SMARCAL1: variants seen among roughly 807,000 people sequenced by gnomAD.
SMARCAL1 encodes ATP-driven annealing helicase.
Under a neutral mutation model 94.5 loss-of-function variants are expected in SMARCAL1, and 58 were observed. That is an observed-to-expected ratio of 0.61 (90% CI 0.50 to 0.76). The LOEUF is 0.76. Among genes scored for constraint, SMARCAL1 ranks in the 30% least tolerant of loss-of-function variants. The pLI is 0.00. For synonymous variants in SMARCAL1, 422 were observed against 455.1 expected (o/e 0.93, Z 0.93); for missense variants, 1,051 against 1,177.9 (o/e 0.89, Z 1.58).
At chr2:216,435,280 A>T in intron 8 of SMARCAL1, 58 bp from the exon 9 acceptor site, 2 of 1,591,322 alleles carry the variant, frequency 1.3e-6, no homozygotes, top group South Asian at 2.2e-5. Flanking sequence ...TGCTGTCACA[A>T]CCAACAGCTG....
intron 6 of SMARCAL1, among the ~76,000 whole-genome samples, chr2:216,428,157 T>A (rs564009606): frequency 6.6e-6 from 1 of 152,182 alleles, no homozygotes; most frequent in African/African-American, 2.4e-5. Flanking sequence ...CAGGCTATGG[T>A]TAGTGATTTA....
chr2:216,463,707 G>T (rs1384760589), intron 12 of SMARCAL1, among the ~76,000 whole-genome samples: 1 of 152,172 alleles, frequency 6.6e-6, no homozygotes, highest in Admixed American at 6.5e-5. Flanking sequence ...ATTACCTTAT[G>T]TGGGAGGTAT....
At chr2:216,472,842 T>C (rs1397263678) in intron 14 of SMARCAL1, among the ~76,000 whole-genome samples, 1 of 152,186 alleles carries the variant, frequency 6.6e-6, no homozygotes, top group African/African-American at 2.4e-5. Context: ...GTGCTCACTG[T>C]TGATGAAAGT....
At chr2:216,445,303 T>A (rs948819669) in intron 10 of SMARCAL1, among the ~76,000 whole-genome samples, 2 of 108,332 alleles carry the variant, frequency 1.8e-5, no homozygotes, top group African/African-American at 8.4e-5. Flanking sequence ...ACAGACGAGA[T>A]GCCATTCTGG....
chr2:216,472,851 G>T (rs964985494), intron 14 of SMARCAL1, among the ~76,000 whole-genome samples: 1 of 152,152 alleles, frequency 6.6e-6, no homozygotes, highest in African/African-American at 2.4e-5. Context: ...GTTGATGAAA[G>T]TGTACGAAGA....
At chr2:216,468,621 GTTTATA>G (rs1395290218) in intron 14 of SMARCAL1, among the ~76,000 whole-genome samples, 7 of 152,044 alleles carry the variant, frequency 4.6e-5, no homozygotes, top group African/African-American at 1.4e-4. Flanking sequence ...TTCCCTCATC[GTTTATA>G]TTTATATAAC....
At chr2:216,473,147 C>G (rs1036665660) in intron 14 of SMARCAL1, among the ~76,000 whole-genome samples, 8 of 152,112 alleles carry the variant, frequency 5.3e-5, no homozygotes, top group Non-Finnish European at 1.0e-4. Context: ...TAATCACGCC[C>G]TCCTGCCCCT....
rs1472280399 is a variant in SMARCAL1 at position 216,461,959 on chromosome 2, A to G, written c.2071-2638A>G. On this transcript the variant is annotated intron_variant, in intron 12 of 17. Coordinates refer to ENST00000357276, the MANE Select transcript of SMARCAL1 (RefSeq NM_014140.4). ...TGCTCACTATTCTGAGTAATACTGT[A>G]CTGAAAAAGTAGCTTACATAGAAAT... 2.0e-5 allele frequency among the ~76,000 whole-genome samples: 3 copies of G among 152,276 alleles called. No individual in the cohort carries two copies. The East Asian group carries it at 5.8e-4, about 29-fold the overall frequency.
intron 14 of SMARCAL1, 65 bp downstream of exon 14, chr2:216,468,111 T>C (rs1694869932): frequency 9.0e-7 from 1 of 1,116,670 alleles, no homozygotes; most frequent in Admixed American, 1.7e-5. Context: ...CTAAGCAGGC[T>C]TAGGTCAGAT....
At position 216,482,786 on chromosome 2, in the gene SMARCAL1, A is replaced by G; in HGVS notation, c.2674A>G (p.Lys892Glu). 3 of 1,614,152 alleles carry G rather than the reference A, an allele frequency of 1.9e-6. No homozygotes were observed. Among genetic ancestry groups the G allele is most frequent in the Non-Finnish European group, 2.5e-6 (3 of 1,180,008 alleles). Residue 892 changes from lysine (K) to glutamate (E), a missense_variant, in exon 18 of 18, where the codon AAA becomes GAA. Around this residue, in one of 3 missense-constraint regions of SMARCAL1, gnomAD observed 642 missense variants for 754.7 expected, o/e 0.85. Coordinates refer to ENST00000357276, the MANE Select transcript of SMARCAL1 (RefSeq NM_014140.4). The surrounding 1 kb of genome is among the most constrained non-coding windows in gnomAD (Gnocchi z 4.3). ...IYDLFQKSFE[K>E]EGSDMELLEA... Reference sequence around the variant, plus strand: ...CGACCTATTCCAGAAGTCCTTTGAGAAAGAAGGAAGTGATATGGAGCTCCT... The same window carrying G: ...CGACCTATTCCAGAAGTCCTTTGAGGAAGAAGGAAGTGATATGGAGCTCCT...
rs768370857 is a variant in SMARCAL1, at chr2:216,461,274, TA to T, written c.2071-3314del. Among the ~76,000 whole-genome samples, 56 of 150,868 alleles carry T rather than the reference TA, an allele frequency of 3.7e-4. 1 individual carries two copies. In the East Asian group the frequency reaches 7.7e-3, roughly 21 times the overall value. On this transcript the variant is annotated intron_variant, in intron 12 of 17. Coordinates refer to ENST00000357276, the MANE Select transcript of SMARCAL1 (RefSeq NM_014140.4). ...CAAGATAATAAAAAGTTAACCAATT[TA>T]AAAAAAAAGAATCATCTTTTATACA...
intron 6 of SMARCAL1, among the ~76,000 whole-genome samples, 181 bp downstream of exon 6, chr2:216,423,864 G>A (rs758366022): frequency 3.3e-5 from 5 of 152,172 alleles, no homozygotes; most frequent in Non-Finnish European, 7.4e-5. Flanking sequence ...GTGGCTTTAT[G>A]ACAGCCCAGA....
At chr2:216,448,505 T>C (rs1164685967) in intron 11 of SMARCAL1, among the ~76,000 whole-genome samples, 2 of 152,344 alleles carry the variant, frequency 1.3e-5, no homozygotes, top group African/African-American at 4.8e-5. Flanking sequence ...TGCCAGAAAC[T>C]AAGGCATTAT....
intron 12 of SMARCAL1, among the ~76,000 whole-genome samples, chr2:216,453,384 A>T (rs1694492010): frequency 1.3e-5 from 2 of 152,234 alleles, no homozygotes; most frequent in Admixed American, 1.3e-4. Context: ...TTGTGTCTTA[A>T]TAGAAATCAA....
chr2:216,419,858 T>G (rs1693675684), intron 4 of SMARCAL1, among the ~76,000 whole-genome samples: 2 of 151,734 alleles, frequency 1.3e-5, no homozygotes, highest in Admixed American at 1.3e-4. Flanking sequence ...AGCGAAACCC[T>G]GACTCTACAA....
intron 14 of SMARCAL1, among the ~76,000 whole-genome samples, chr2:216,469,391 C>A (rs923420290): frequency 1.3e-5 from 2 of 150,436 alleles, no homozygotes; most frequent in African/African-American, 4.9e-5. Flanking sequence ...AAGCTATTCT[C>A]CTGTCTCAGC....
intron 17 of SMARCAL1, among the ~76,000 whole-genome samples, chr2:216,479,998 G>C (rs1275062321): frequency 6.6e-6 from 1 of 152,118 alleles, no homozygotes; most frequent in Non-Finnish European, 1.5e-5. Context: ...GTTGCAGTGG[G>C]CCAAGATCAC....
chr2:216,445,496 C>T (rs1005307538), intron 10 of SMARCAL1, among the ~76,000 whole-genome samples: 1 of 152,184 alleles, frequency 6.6e-6, no homozygotes, highest in African/African-American at 2.4e-5. Context: ...TAATTTCCAT[C>T]ATCTGATTCA....
intron 2 of SMARCAL1, chr2:216,414,386 ACCT>A (rs1216564481): frequency 2.9e-6 from 1 of 345,734 alleles, no homozygotes; most frequent in Non-Finnish European, 5.6e-6. Flanking sequence ...CAAACTCCTG[ACCT>A]CAAGTGATCC....
Sources: gnomAD v4.1 joint callset for allele counts (sites outside exome capture counted in the v4.1 genomes callset) on GRCh38, gnomAD v4.1.1 for gene constraint, gnomAD v4.1.1 regional missense constraint, Gnocchi (gnomAD v3.1) non-coding constraint, MANE v1.5 for transcripts, NCBI Gene and HGNC (gene_info 2026-07-23, HGNC 2026-07-21) for gene names.